TRDN: variants seen among roughly 807,000 people sequenced by gnomAD.
TRDN encodes triadin in skeletal muscle.
In TRDN, 161 loss-of-function variants were observed where a neutral mutation model predicts 149.7. The ratio of observed to expected loss-of-function variants is 1.08; its 90% CI spans 0.95 to 1.23. TRDN has a LOEUF of 1.23. TRDN is among the 50% of genes most tolerant of loss of function. TRDN has a pLI of 0.00. For missense variants in TRDN, 896 were observed against 823.5 expected, an observed-to-expected ratio of 1.09 and a Z score of -1.08; for synonymous variants, 294 against 250.5, an observed-to-expected ratio of 1.17 and a Z score of -1.64.
chr6:123,333,642 TCTAA>T (rs990373171), intron 22 of TRDN, among the ~76,000 whole-genome samples: 98 of 152,126 alleles, frequency 6.4e-4, no homozygotes, highest in African/African-American at 2.3e-3. Context: ...CTGAGGAATC[TCTAA>T]CTACCCAAGG....
At chr6:123,601,265 C>G (rs1431031947) in intron 1 of TRDN, among the ~76,000 whole-genome samples, 1 of 152,116 alleles carries the variant, frequency 6.6e-6, no homozygotes, top group Non-Finnish European at 1.5e-5. Flanking sequence ...CCTGCATTGA[C>G]AAGTCTGACT....
intron 38 of TRDN, among the ~76,000 whole-genome samples, chr6:123,230,281 G>T (rs138632665): frequency 6.6e-6 from 1 of 151,694 alleles, no homozygotes; most frequent in Non-Finnish European, 1.5e-5. Flanking sequence ...GCAAACTATC[G>T]CAGGGACAAA....
chr6:123,224,680 T>C (rs1385220379), intron 38 of TRDN, among the ~76,000 whole-genome samples: 1 of 151,742 alleles, frequency 6.6e-6, no homozygotes, highest in Non-Finnish European at 1.5e-5. Flanking sequence ...CTTCAATATA[T>C]ACTGTTGGGA....
chr6:123,388,503 G>T lies in TRDN; in HGVS notation c.1135+19C>A. On this transcript the variant is annotated intron_variant, in intron 14 of 40. Coordinates refer to ENST00000334268, the MANE Select transcript of TRDN (RefSeq NM_006073.4). The stretch of plus-strand genomic sequence containing the variant: ...ATTGTACTCACAAAAGGCTCAGTGG[G>T]ATTTTGCATAAAACATACCTTCCTT... The T allele has an allele frequency of 6.3e-7, 1 of 1,582,756 alleles. No homozygotes were observed. The highest frequency in any genetic ancestry group is 8.6e-7 in the Non-Finnish European group (1 of 1,162,070).
intron 4 of TRDN, among the ~76,000 whole-genome samples, chr6:123,540,930 GTTTAT>G (rs1251102161): frequency 6.6e-6 from 1 of 152,070 alleles, no homozygotes; most frequent in Non-Finnish European, 1.5e-5. Context: ...TTTTGTTGTT[GTTTAT>G]TTTATTTTTC....
At chr6:123,569,882 A>G (rs9388257) in intron 2 of TRDN, among the ~76,000 whole-genome samples, 55,947 of 152,054 alleles carry the variant, frequency 0.37, 11,713 homozygotes, top group East Asian at 0.85. Flanking sequence ...ATAATTCATC[A>G]TGAGATTAGA....
intron 1 of TRDN, among the ~76,000 whole-genome samples, chr6:123,571,502 GT>G (rs1772379077): frequency 6.6e-6 from 1 of 151,808 alleles, no homozygotes; most frequent in African/African-American, 2.4e-5. Context: ...TTGTTTGTTT[GT>G]TTGTTTGTTT....
At chr6:123,592,892 A>T (rs1783851794) in intron 1 of TRDN, among the ~76,000 whole-genome samples, 1 of 152,216 alleles carries the variant, frequency 6.6e-6, no homozygotes, top group Admixed American at 6.5e-5. Context: ...AATGAAAAAC[A>T]GTTTAGGAAT....
Position 123,571,127 on chromosome 6 carries a change from C to A in TRDN, c.28G>T (p.Ala10Ser). The part of the protein sequence containing the change: MTEITAEGN[A>S]STTTTVIDSK... ...TCTATCACAGTTGTGGTTGTAGATG[C>A]ATTTCCTAATCAAACATTCAGAAAG... The change falls in exon 2 of 41, where the codon GCA becomes TCA. Residue 10 changes from alanine (A) to serine (S), a missense_variant. By Grantham distance (99) the Ala-to-Ser change is moderately conservative. Transcript: ENST00000334268. The A allele has an allele frequency of 6.2e-7, 1 of 1,613,682 alleles. No individual in the cohort carries two copies. Among genetic ancestry groups the A allele is most frequent in the Non-Finnish European group, 8.5e-7 (1 of 1,179,744 alleles).
Position 123,218,759 on chromosome 6 carries a change from C to T in TRDN, c.2051-19G>A, listed in dbSNP as rs7754205. Reference sequence around the variant, plus strand: ...ATGGGACCTAAGGAACAGAGCATGACAGTTTGTTAAAACATGCAGAACATG... The same window carrying T: ...ATGGGACCTAAGGAACAGAGCATGATAGTTTGTTAAAACATGCAGAACATG... On this transcript the variant is annotated intron_variant, in intron 40 of 40. Coordinates refer to ENST00000334268, the MANE Select transcript of TRDN (RefSeq NM_006073.4). The T allele has an allele frequency of 0.45, 698,067 of 1,551,200 alleles. 160,242 individuals carry two copies. Among genetic ancestry groups the T allele is most frequent in the Admixed American group, 0.59 (30,279 of 50,908 alleles).
chr6:123,316,399 C>G, intron 24 of TRDN, 58 bp downstream of exon 24: 2 of 1,528,012 alleles, frequency 1.3e-6, no homozygotes, highest in Non-Finnish European at 1.8e-6. Flanking sequence ...GTAAAACTAG[C>G]TTTCTTCCAA....
chr6:123,472,652 G>A (rs534764239), intron 9 of TRDN, among the ~76,000 whole-genome samples: 29 of 152,338 alleles, frequency 1.9e-4, no homozygotes, highest in Admixed American at 1.7e-3. Flanking sequence ...CAAAAAGACA[G>A]CAGTAACCTC....
At position 123,570,976 on chromosome 6, in the gene TRDN, C is replaced by A. The variant is rs41284436; in HGVS notation, c.179G>T (p.Trp60Leu). The change falls in exon 2 of 41, where the codon TGG becomes TTG. Residue 60 changes from tryptophan to leucine, a missense_variant. Transcript: ENST00000334268. ...WLLVIALIIT[W>L]SAVAIVMFDL... ...AAACATAACGATGGCAACAGCTGAC[C>A]ACGTGATTATCAGGGCAATGACCAG... is the stretch of plus-strand genomic sequence containing the variant. 3 of 1,613,854 alleles carry A rather than the reference C, an allele frequency of 1.9e-6. No individual in the cohort carries two copies. The highest frequency in any genetic ancestry group is 2.5e-6 in the Non-Finnish European group (3 of 1,179,830).
chr6:123,584,553 G>C (rs563099788), intron 1 of TRDN, among the ~76,000 whole-genome samples: 1 of 152,006 alleles, frequency 6.6e-6, no homozygotes, highest in Non-Finnish European at 1.5e-5. Context: ...AATCGGACAC[G>C]ATCAGCAGGG....
chr6:123,454,789 T>G (rs1429772640), intron 10 of TRDN, among the ~76,000 whole-genome samples: 1 of 152,216 alleles, frequency 6.6e-6, no homozygotes, highest in African/African-American at 2.4e-5. Flanking sequence ...GCATGCTCCT[T>G]ATGAGAATCT....
chr6:123,339,953 C>T (rs893002541), intron 21 of TRDN, among the ~76,000 whole-genome samples: 3 of 151,938 alleles, frequency 2.0e-5, no homozygotes, highest in Non-Finnish European at 4.4e-5. Context: ...CTATAGAAGT[C>T]GAGTTTTAAA....
At chr6:123,352,243 T>C in intron 21 of TRDN, 1 of 985,144 alleles carries the variant, frequency 1.0e-6, no homozygotes, top group Non-Finnish European at 1.2e-6. Flanking sequence ...TGTCTACCAG[T>C]TACCCTGGAT....
intron 10 of TRDN, chr6:123,462,687 T>A (rs956178659): frequency 1.3e-5 from 2 of 151,488 alleles, no homozygotes; most frequent in Non-Finnish European, 2.9e-5. Flanking sequence ...TCCTCCTTTT[T>A]ACATAAAGCC....
chr6:123,507,769 A>C (rs2114844819), intron 7 of TRDN, among the ~76,000 whole-genome samples: 1 of 152,128 alleles, frequency 6.6e-6, no homozygotes, highest in South Asian at 2.1e-4. Flanking sequence ...TGGCCTAATC[A>C]AAAAAAATGA....
Sources: gnomAD v4.1 joint callset for allele counts (sites outside exome capture counted in the v4.1 genomes callset) on GRCh38, gnomAD v4.1.1 for gene constraint, MANE v1.5 for transcripts, NCBI Gene and HGNC (gene_info 2026-07-23, HGNC 2026-07-21) for gene names.